DNAAF11: variants seen among roughly 807,000 people sequenced by gnomAD.
DNAAF11 encodes the protein leucine rich repeat containing 6.
In DNAAF11, 45 loss-of-function variants were observed where a neutral mutation model predicts 60.8. That is an observed-to-expected ratio of 0.74 (90% confidence interval 0.58 to 0.95). The LOEUF (loss-of-function observed/expected upper bound fraction) is 0.95. Ranked by LOEUF, DNAAF11 falls within the 40% of genes least tolerant of loss-of-function variation. DNAAF11 has a pLI of 0.00. For synonymous variants in DNAAF11, 191 were observed against 183.5 expected (o/e 1.04, Z -0.33); for missense variants, 546 against 546.2 (o/e 1.00, Z 0.00).
chr8:132,590,077 C>T (rs1462147143), intron 10 of DNAAF11, among the ~76,000 whole-genome samples: 1 of 152,196 alleles, frequency 6.6e-6, no homozygotes. Flanking sequence ...CCATTGCCTG[C>T]CCTGTCTTTG....
chr8:132,640,835 AAAGAG>A (rs1476494878), intron 3 of DNAAF11, among the ~76,000 whole-genome samples: 1 of 152,166 alleles, frequency 6.6e-6, no homozygotes, highest in East Asian at 1.9e-4. Flanking sequence ...TAGGAAAAGA[AAAGAG>A]GAGTCTGGAA....
chr8:132,606,640 G>T (rs1168922837), intron 10 of DNAAF11, among the ~76,000 whole-genome samples: 2 of 151,756 alleles, frequency 1.3e-5, no homozygotes, highest in Non-Finnish European at 2.9e-5. Flanking sequence ...TGAGTAGCTG[G>T]GACTAGAGGC....
In DNAAF11 at chr8:132,598,297, T is replaced by C. The variant is rs537682610; in HGVS notation, c.1140+11869A>G. 5.9e-5 allele frequency among the ~76,000 whole-genome samples: 9 copies of C among 152,312 alleles called. No homozygotes were observed. In the South Asian group the frequency reaches 1.9e-3, roughly 32 times the overall value. On this transcript the variant is annotated intron_variant, in intron 10 of 11. Coordinates refer to ENST00000620350, the MANE Select transcript of DNAAF11 (RefSeq NM_012472.6). ...CAGGATTCTGAAAGAAGAGAACTAA[T>C]GACCCCAATCTAGTGTTTTCTATGA...
At chr8:132,668,787 A>C (rs774724940) in intron 1 of DNAAF11, among the ~76,000 whole-genome samples, 13 of 152,168 alleles carry the variant, frequency 8.5e-5, no homozygotes, top group Non-Finnish European at 1.3e-4. Flanking sequence ...TAGATAAACC[A>C]GGAAAGGGCA....
intron 11 of DNAAF11, among the ~76,000 whole-genome samples, chr8:132,581,145 T>C (rs1196078333): frequency 6.6e-6 from 1 of 152,158 alleles, no homozygotes; most frequent in Non-Finnish European, 1.5e-5. Flanking sequence ...TAATTCCTGA[T>C]GGATTAGACG....
At chr8:132,618,110 T>C (rs1245983641) in intron 7 of DNAAF11, among the ~76,000 whole-genome samples, 1 of 151,854 alleles carries the variant, frequency 6.6e-6, no homozygotes, top group Admixed American at 6.6e-5. Flanking sequence ...TATAGATCAA[T>C]GGAACAGAAC....
At chr8:132,626,778 C>T (rs182442667) in intron 5 of DNAAF11, among the ~76,000 whole-genome samples, 1 of 152,264 alleles carries the variant, frequency 6.6e-6, no homozygotes, top group East Asian at 1.9e-4. Flanking sequence ...AATACAACTA[C>T]AGCAAATAGT....
chr8:132,687,635 G>A, the DNAAF11 span: 25 of 456,188 alleles, frequency 5.5e-5, no homozygotes, highest in Non-Finnish European at 6.2e-5. Context: ...CTCACCCATC[G>A]TGTGGTTGGC....
chr8:132,577,553 T>G (rs1486157124), intron 11 of DNAAF11, among the ~76,000 whole-genome samples: 1 of 152,250 alleles, frequency 6.6e-6, no homozygotes, highest in Admixed American at 6.5e-5. Flanking sequence ...AGACCAGTTA[T>G]GACTAAGTTT....
chr8:132,664,918 T>C (rs548036642), intron 1 of DNAAF11, among the ~76,000 whole-genome samples: 7 of 152,252 alleles, frequency 4.6e-5, no homozygotes, highest in African/African-American at 1.4e-4. Context: ...AAATCCCTAT[T>C]AATTTAAAGA....
At chr8:132,672,093 T>C (rs967184548) in intron 1 of DNAAF11, among the ~76,000 whole-genome samples, 1 of 152,128 alleles carries the variant, frequency 6.6e-6, no homozygotes, top group East Asian at 1.9e-4. Context: ...TTGCAAATCA[T>C]GTATCTGATG....
intron 1 of DNAAF11, among the ~76,000 whole-genome samples, chr8:132,664,225 T>A (rs1444635259): frequency 6.6e-6 from 1 of 152,232 alleles, no homozygotes; most frequent in African/African-American, 2.4e-5. Context: ...ATGTCATCCA[T>A]GGTTAAGTCG....
chr8:132,607,615 C>T (rs753191667), intron 10 of DNAAF11, among the ~76,000 whole-genome samples: 4 of 152,114 alleles, frequency 2.6e-5, no homozygotes, highest in South Asian at 4.1e-4. Flanking sequence ...CATGAAAAAA[C>T]GCTGAGTAAC....
the DNAAF11 span, among the ~76,000 whole-genome samples, chr8:132,684,793 G>C: frequency 6.6e-6 from 1 of 152,162 alleles, no homozygotes; most frequent in African/African-American, 2.4e-5. Context: ...TTTTGATTCT[G>C]TTGCCAGGGT....
rs7829297 is a variant in DNAAF11 at position 132,571,515 on chromosome 8, T to A, written c.*791A>T. Among the ~76,000 whole-genome samples the A allele has an allele frequency of 0.15, 22,909 of 148,278 alleles. 2,582 individuals are homozygous for A. Among genetic ancestry groups the A allele is most frequent in the African/African-American group, 0.32 (13,123 of 40,430 alleles). On this transcript the variant is annotated 3_prime_UTR_variant, in exon 12 of 12. Transcript: ENST00000620350. The stretch of plus-strand genomic sequence containing the variant: ...GGAGTAAAAAGGTGAAGAAAAAGAA[T>A]AAGGGGAGAAAAGTAATTGGGGAGG...
intron 2 of DNAAF11, among the ~76,000 whole-genome samples, chr8:132,658,603 G>A (rs1334595864): frequency 6.6e-6 from 1 of 152,200 alleles, no homozygotes; most frequent in African/African-American, 2.4e-5. Flanking sequence ...TTACAGGCAT[G>A]AGCCACCGCT....
At chr8:132,624,589 C>T (rs998070140) in intron 6 of DNAAF11, among the ~76,000 whole-genome samples, 31 of 152,116 alleles carry the variant, frequency 2.0e-4, no homozygotes, top group Non-Finnish European at 2.4e-4. Flanking sequence ...TTTTGTTTCA[C>T]TTGAGTCATT....
intron 5 of DNAAF11, among the ~76,000 whole-genome samples, chr8:132,627,880 C>T (rs1490646881): frequency 6.6e-6 from 1 of 152,124 alleles, no homozygotes; most frequent in Non-Finnish European, 1.5e-5. Context: ...TATCCAGATA[C>T]TGGTTTCTCT....
At chr8:132,656,550 C>A (rs750256629) in intron 3 of DNAAF11, among the ~76,000 whole-genome samples, 1 of 152,204 alleles carries the variant, frequency 6.6e-6, no homozygotes, top group Non-Finnish European at 1.5e-5. Flanking sequence ...CAGCTCACTG[C>A]AACCTCCGCC....
Sources: gnomAD v4.1 joint callset for allele counts (sites outside exome capture counted in the v4.1 genomes callset) on GRCh38, gnomAD v4.1.1 for gene constraint, MANE v1.5 for transcripts, NCBI Gene and HGNC (gene_info 2026-07-23, HGNC 2026-07-21) for gene names.